The following MTOR variants were observed in gnomAD, a reference collection of about 807,000 sequenced individuals.
The protein encoded by MTOR is mechanistic target of rapamycin kinase.
MTOR carries 70 observed loss-of-function variants against 319.8 expected under a neutral mutation model. The observed-to-expected ratio is 0.22, with a 90% CI of 0.18 to 0.27. The LOEUF is 0.27. Ranked by LOEUF, MTOR falls within the 10% of genes least tolerant of loss-of-function variation. The pLI is 1.00. For synonymous variants in MTOR, 1,183 were observed against 1,211.4 expected (o/e 0.98, Z 0.49); for missense variants, 1,890 against 3,274.4 (o/e 0.58, Z 10.32).
rs1646240676 is a variant in MTOR, at chr1:11,209,358, G to C, written c.3755C>G (p.Thr1252Arg). ...GACGTGCAGTTTCTTCATGGGTCCT[G>C]TTTCCACTGGTCCACTAGCCAATGC... Reference protein sequence around the residue: ...GDALASGPVETGPMKKLHVST... With the variant: ...GDALASGPVERGPMKKLHVST... The change falls in exon 25 of 58, where the codon ACA becomes AGA. Residue 1252 changes from threonine to arginine, a missense_variant. Transcript: ENST00000361445. 1 of 1,614,174 alleles carries C rather than the reference G, an allele frequency of 6.2e-7. No homozygotes were observed. Among genetic ancestry groups the C allele is most frequent in the Non-Finnish European group, 8.5e-7 (1 of 1,180,030 alleles).
chr1:11,189,999 T>C, intron 28 of MTOR: 1 of 1,560,208 alleles, frequency 6.4e-7, no homozygotes, highest in Non-Finnish European at 8.7e-7. Flanking sequence ...TGCCTCCCCA[T>C]CTACAGCACT....
intron 13 of MTOR, among the ~76,000 whole-genome samples, chr1:11,235,968 G>A (rs1053932902): frequency 9.3e-5 from 14 of 151,284 alleles, no homozygotes; most frequent in East Asian, 3.9e-4. Flanking sequence ...GCGACAGAGC[G>A]AGACTGTGTC....
chr1:11,247,391 C>T (rs998994830), intron 8 of MTOR, among the ~76,000 whole-genome samples: 19 of 152,144 alleles, frequency 1.2e-4, no homozygotes, highest in Non-Finnish European at 2.5e-4. Context: ...TGTTGGCATC[C>T]ATACATGAAA....
intron 56 of MTOR, among the ~76,000 whole-genome samples, chr1:11,108,559 C>T (rs1641690746): frequency 6.6e-6 from 1 of 151,538 alleles, no homozygotes; most frequent in African/African-American, 2.4e-5. Flanking sequence ...ACTAAAAATA[C>T]AAAATTAGCC....
intron 54 of MTOR, 150 bp downstream of exon 54, chr1:11,112,702 G>A: frequency 1.3e-6 from 1 of 779,662 alleles, no homozygotes; most frequent in Non-Finnish European, 2.1e-6. Context: ...CCCACTGACT[G>A]AAGCCCACCC....
chr1:11,184,179 G>A (rs1455314431), intron 28 of MTOR, among the ~76,000 whole-genome samples: 2 of 152,136 alleles, frequency 1.3e-5, no homozygotes, highest in Non-Finnish European at 2.9e-5. Context: ...TGAAAAGCCT[G>A]TGGTATGAGA....
chr1:11,177,708 T>C (rs1313916585), intron 28 of MTOR, among the ~76,000 whole-genome samples: 1 of 152,182 alleles, frequency 6.6e-6, no homozygotes, highest in Non-Finnish European at 1.5e-5. Context: ...TAAATCTGTA[T>C]GTGAGAAAGT....
At chr1:11,123,179 A>C (rs755818512) in intron 47 of MTOR, among the ~76,000 whole-genome samples, 4 of 152,240 alleles carry the variant, frequency 2.6e-5, no homozygotes, top group Non-Finnish European at 4.4e-5. Flanking sequence ...CCCAATGAAA[A>C]TACCCTAAAA....
chr1:11,231,284 T>C lies in MTOR; in HGVS notation c.2649+16A>G. The C allele has an allele frequency of 1.2e-6, 2 of 1,613,680 alleles. No individual in the cohort carries two copies. The highest frequency in any genetic ancestry group is 1.7e-6 in the Non-Finnish European group (2 of 1,179,804). ...CCAGCAAAGTCTTTAAAGACCAAGTTTGCCACGTCCCCTACCTCTCTGCGT... is the reference window on the plus strand; with the variant it reads ...CCAGCAAAGTCTTTAAAGACCAAGTCTGCCACGTCCCCTACCTCTCTGCGT... On this transcript the variant is annotated intron_variant, in intron 17 of 57. Coordinates refer to ENST00000361445, the MANE Select transcript of MTOR (RefSeq NM_004958.4).
chr1:11,216,595 T>C (rs933036759), intron 19 of MTOR, among the ~76,000 whole-genome samples: 2 of 150,542 alleles, frequency 1.3e-5, no homozygotes, highest in Non-Finnish European at 2.9e-5. Flanking sequence ...TGTAGTGAGC[T>C]ATGCACGTGC....
intron 24 of MTOR, 86 bp from the exon 25 acceptor site, chr1:11,209,544 G>T (rs1557845945): frequency 4.0e-6 from 6 of 1,496,334 alleles, no homozygotes; most frequent in Non-Finnish European, 5.5e-6. Context: ...GGGAGGTGCA[G>T]ACCTGGTAGA....
At chr1:11,182,583 T>C (rs1179540012) in intron 28 of MTOR, among the ~76,000 whole-genome samples, 1 of 152,178 alleles carries the variant, frequency 6.6e-6, no homozygotes, top group Non-Finnish European at 1.5e-5. Flanking sequence ...TCTTTGTAAT[T>C]ACCACCCAGA....
rs546160940 is a variant in MTOR at position 11,144,357 on chromosome 1, T to G, written c.4872+291A>C. On this transcript the variant is annotated intron_variant, in intron 34 of 57. Transcript: ENST00000361445. ...TGCTAAGGTTGAGAACCACTGATTT[T>G]GAGGTTATGATTCCTAACTGACTGG... The G allele has an allele frequency of 1.6e-3, 526 of 323,586 alleles. 1 individual carries two copies. Among genetic ancestry groups the G allele is most frequent in the Non-Finnish European group, 2.4e-3 (418 of 171,028 alleles). The allele number at this position is 323,586 out of a possible 1,614,324, so 20.0% of individuals were successfully genotyped here. A position where few individuals can be genotyped will look rare whatever the true frequency, so the allele number is the denominator to read the frequency against.
intron 28 of MTOR, chr1:11,193,752 C>T (rs1645655372): frequency 5.0e-6 from 8 of 1,614,050 alleles, no homozygotes; most frequent in Non-Finnish European, 6.8e-6. Flanking sequence ...AGACAGCCAA[C>T]CCGGCTGCGT....
chr1:11,154,068 CAAAAAAAAAAAAAAAAA>C (rs70977548), intron 30 of MTOR, among the ~76,000 whole-genome samples: 40 of 13,066 alleles, frequency 3.1e-3, no homozygotes, highest in African/African-American at 6.4e-3. Flanking sequence ...GACTCTGTCT[CAAAAAAAAAAAAAAAAA>C]AAAAAAAAAA....
At chr1:11,234,308 A>T (rs1647122074) in intron 13 of MTOR, 43 bp from the exon 14 acceptor site, 9 of 1,564,026 alleles carry the variant, frequency 5.8e-6, no homozygotes, top group Non-Finnish European at 7.8e-6. Context: ...GGCAGAAGAC[A>T]TTCTAGAGAG....
intron 19 of MTOR, among the ~76,000 whole-genome samples, chr1:11,226,746 T>C (rs757962711): frequency 1.3e-5 from 2 of 152,114 alleles, no homozygotes; most frequent in African/African-American, 4.8e-5. Context: ...GCAACCTCTG[T>C]GTCACCAGCT....
In MTOR at chr1:11,191,794, G is replaced by A. The variant is rs188277601; in HGVS notation, c.4253+7464C>T. Among the ~76,000 whole-genome samples, 9 of 152,258 alleles carry A rather than the reference G, an allele frequency of 5.9e-5. No homozygotes were observed. The East Asian group carries it at 1.5e-3, about 26-fold the overall frequency. On this transcript the variant is annotated intron_variant, in intron 28 of 57. Coordinates refer to ENST00000361445, the MANE Select transcript of MTOR (RefSeq NM_004958.4). Reference sequence around the variant, plus strand: ...TCTCCCTTAATTATGGTCTCAGGTGGCAGTAGCCACCATCTCTGAACAACA... The same window carrying A: ...TCTCCCTTAATTATGGTCTCAGGTGACAGTAGCCACCATCTCTGAACAACA...
rs1046243968 is a variant in MTOR at position 11,106,696 on chromosome 1, T to A, written c.*789A>T. On this transcript the variant is annotated 3_prime_UTR_variant, in exon 58 of 58. Coordinates refer to ENST00000361445, the MANE Select transcript of MTOR (RefSeq NM_004958.4). ...ACCTTCCCTGTGTTCAGCACCTCCA[T>A]GACAGTATTTCTGTTTTCTGAGCCC... 24 of 1,181,234 alleles carry A rather than the reference T, an allele frequency of 2.0e-5. No homozygotes were observed. The African/African-American group carries it at 3.4e-4, about 17-fold the overall frequency. 73.2% of individuals were successfully genotyped at this position (1,181,234 alleles called of 1,614,324 possible). A position where few individuals can be genotyped will look rare whatever the true frequency, so the allele number is the denominator to read the frequency against.
Sources: gnomAD v4.1 joint callset for allele counts (sites outside exome capture counted in the v4.1 genomes callset) on GRCh38, gnomAD v4.1.1 for gene constraint, MANE v1.5 for transcripts, NCBI Gene and HGNC (gene_info 2026-07-23, HGNC 2026-07-21) for gene names.